Variants in PAX2 observed in about 807,000 individuals in gnomAD.
PAX2 encodes the protein paired box protein Pax-2.
In PAX2, 9 loss-of-function variants were observed where a neutral mutation model predicts 41.7. That is an observed-to-expected ratio of 0.22 (90% CI 0.13 to 0.38). PAX2 has a LOEUF of 0.38. Ranked by LOEUF, PAX2 falls within the 10% of genes least tolerant of loss-of-function variation. The probability of loss-of-function intolerance (pLI) is 1.00; values close to 1 mark genes in which losing one functional copy is unlikely to be tolerated. For missense variants in PAX2, 418 were observed against 531.6 expected (o/e 0.79, Z 2.10); for synonymous variants, 221 against 212.7 (o/e 1.04, Z -0.34).
upstream of PAX2, among the ~76,000 whole-genome samples, chr10:100,741,193 A>G (rs562781793): frequency 3.6e-3 from 543 of 152,294 alleles, 3 homozygotes; most frequent in African/African-American, 0.013. Flanking sequence ...GGGCGGGGCC[A>G]GCTGGGAGTC....
intron 5 of PAX2, among the ~76,000 whole-genome samples, chr10:100,799,452 A>G (rs770112514): frequency 2.6e-5 from 4 of 152,206 alleles, no homozygotes; most frequent in Non-Finnish European, 5.9e-5. Context: ...GATAATGTGT[A>G]TAAAGTACCT....
Position 100,827,044 on chromosome 10 carries a change from C to G in PAX2, c.1057C>G (p.Gln353Glu). ...CTCCGGCAACCCGTACAGCCACCCC[C>G]AGTACACGGCCTACAACGAGGCTTG... Reference protein sequence around the residue: ...EFSGNPYSHPQYTAYNEAWRF... With the variant: ...EFSGNPYSHPEYTAYNEAWRF... Residue 353 changes from glutamine to glutamate, a missense_variant, in exon 9 of 10, where the codon CAG becomes GAG. Transcript: ENST00000355243. This position sits in a 1 kb window ranked among gnomAD's most constrained non-coding sequence, Gnocchi z 8.5. 6.2e-7 allele frequency: 1 copy of G among 1,613,692 alleles called. No individual in the cohort carries two copies. Among genetic ancestry groups the G allele is most frequent in the Non-Finnish European group, 8.5e-7 (1 of 1,179,620 alleles).
rs535440097 is a variant in PAX2, at chr10:100,735,606, C to T, written c.-103C>T. 3.2e-5 allele frequency: 31 copies of T among 963,122 alleles called. No individual in the cohort carries two copies. The East Asian group carries it at 1.3e-3, about 41-fold the overall frequency. The allele number at this position is 963,122 out of a possible 1,614,324, so 59.7% of individuals were successfully genotyped here. ...TGGTGTTGGGTGGCTGCGCCCAGAT[C>T]TCCGGGCGGCGGCGGCGGCGAAGGC... On this transcript the variant is annotated 5_prime_UTR_variant, in exon 1 of 10. Coordinates refer to the PAX2 transcript ENST00000679374.
chr10:100,740,899 C>G (rs972578209), upstream of PAX2, among the ~76,000 whole-genome samples: 1 of 152,240 alleles, frequency 6.6e-6, no homozygotes, highest in African/African-American at 2.4e-5. Flanking sequence ...GACCTTCACT[C>G]TTACTCTCTA....
chr10:100,829,214 CCTGCCCCTCTCTCCCT>C lies in PAX2; in HGVS notation c.*1610_*1625del, dbSNP rs765352654. On this transcript the variant is annotated 3_prime_UTR_variant, in exon 10 of 10. Coordinates refer to ENST00000355243, the MANE Select transcript of PAX2 (RefSeq NM_000278.5). ...AATTCCGTGTTTTCGCTTTTTCCTC[CCTGCCCCTCTCTCCCT>C]CTGCCCCTCTCTCCTCTCCGCTTCT... is the stretch of plus-strand genomic sequence containing the variant. 52 of 232,606 alleles carry C rather than the reference CCTGCCCCTCTCTCCCT, an allele frequency of 2.2e-4. No homozygotes were observed. The highest frequency in any genetic ancestry group is 1.1e-3 in the African/African-American group (49 of 45,326). The allele number at this position is 232,606 out of a possible 1,614,324, so 14.4% of individuals were successfully genotyped here. A position where few individuals can be genotyped will look rare whatever the true frequency, so the allele number is the denominator to read the frequency against.
chr10:100,800,273 C>CTTTTTTTTTTTTTTTTTTTTTTTTTTT (rs59487758), intron 5 of PAX2, among the ~76,000 whole-genome samples: 1 of 108,386 alleles, frequency 9.2e-6, no homozygotes, highest in Non-Finnish European at 1.7e-5. Flanking sequence ...TCTTTTCTTT[C>CTTTTTTTTTTTTTTTTTTTTTTTTTTT]TTTTTTTTTT....
In PAX2 at chr10:100,824,578, G is replaced by A; in HGVS notation, c.920-70G>A. On this transcript the variant is annotated intron_variant, in intron 7 of 9. Coordinates refer to ENST00000355243, the MANE Select transcript of PAX2 (RefSeq NM_000278.5). This position sits in a 1 kb window ranked among gnomAD's most constrained non-coding sequence, Gnocchi z 6.6. ...TCTCCAAGAGTTTCCTCTCCGTGCA[G>A]TACCCTGGTGTGAGTAGAGGCAGGC... 2 of 1,059,394 alleles carry A rather than the reference G, an allele frequency of 1.9e-6. No homozygotes were observed. The highest frequency in any genetic ancestry group is 1.5e-6 in the Non-Finnish European group (1 of 673,758). 65.6% of individuals were successfully genotyped at this position (1,059,394 alleles called of 1,614,324 possible). A position where few individuals can be genotyped will look rare whatever the true frequency, so the allele number is the denominator to read the frequency against.
chr10:100,806,695 A>G, intron 6 of PAX2, 90 bp downstream of exon 6: 3 of 1,075,606 alleles, frequency 2.8e-6, no homozygotes, highest in Non-Finnish European at 4.3e-6. Context: ...CCACATGCAT[A>G]GCCAGCATTG....
chr10:100,827,876 C>T lies in PAX2; in HGVS notation c.*257C>T. ...CAGCCCCGCCTGCCGCCCCTCCCCG[C>T]CTGCCTGGACTGCGCGGCGCCGTGA... On this transcript the variant is annotated 3_prime_UTR_variant, in exon 10 of 10. Coordinates refer to ENST00000355243, the MANE Select transcript of PAX2 (RefSeq NM_000278.5). This position sits in a 1 kb window ranked among gnomAD's most constrained non-coding sequence, Gnocchi z 8.5. 1.8e-6 allele frequency: 1 copy of T among 542,652 alleles called. No individual in the cohort carries two copies. Among genetic ancestry groups the T allele is most frequent in the Non-Finnish European group, 3.2e-6 (1 of 308,530 alleles). 33.6% of individuals were successfully genotyped at this position (542,652 alleles called of 1,614,324 possible). A position where few individuals can be genotyped will look rare whatever the true frequency, so the allele number is the denominator to read the frequency against.
chr10:100,742,687 G>A (rs527879278), upstream of PAX2, among the ~76,000 whole-genome samples: 5 of 152,184 alleles, frequency 3.3e-5, no homozygotes, highest in South Asian at 8.3e-4. Context: ...TAGGTTGGGG[G>A]GTGGAAGGGC....
Position 100,750,224 on chromosome 10 carries a change from G to T in PAX2, c.212+310G>T, listed in dbSNP as rs1845383600. Among the ~76,000 whole-genome samples the T allele has an allele frequency of 1.3e-5, 2 of 149,428 alleles. No individual in the cohort carries two copies. Among genetic ancestry groups the T allele is most frequent in the African/African-American group, 5.2e-5 (2 of 38,816 alleles). ...GAGTTAAGGCAGATACGGGGTGGGAGACATTAGAGGAATGGGGGGGGAGTG... is the reference window on the plus strand; with the variant it reads ...GAGTTAAGGCAGATACGGGGTGGGATACATTAGAGGAATGGGGGGGGAGTG... On this transcript the variant is annotated intron_variant, in intron 2 of 9. Coordinates refer to ENST00000355243, the MANE Select transcript of PAX2 (RefSeq NM_000278.5). The surrounding 1 kb of genome is among the most constrained non-coding windows in gnomAD (Gnocchi z 4.1).
exon 1 of PAX2, among the ~76,000 whole-genome samples, chr10:100,735,397 G>A (rs1439523866): frequency 2.0e-5 from 3 of 152,250 alleles, no homozygotes; most frequent in Non-Finnish European, 4.4e-5. Flanking sequence ...GGGCGCCTCA[G>A]GCAGCGAGGG....
In PAX2 at chr10:100,827,714, G is replaced by T; in HGVS notation, c.*95G>T. ...CCCCGGAGGGAGGGAGGACCGACGC[G>T]ACGCGATGCCTCCCGGCCACCGCCC... On this transcript the variant is annotated 3_prime_UTR_variant, in exon 10 of 10. Coordinates refer to ENST00000355243, the MANE Select transcript of PAX2 (RefSeq NM_000278.5). This position sits in a 1 kb window ranked among gnomAD's most constrained non-coding sequence, Gnocchi z 8.5. 6.2e-7 allele frequency: 1 copy of T among 1,607,144 alleles called. No homozygotes were observed. Among genetic ancestry groups the T allele is most frequent in the South Asian group, 1.1e-5 (1 of 90,702 alleles).
chr10:100,819,306 C>T (rs1433706847), intron 7 of PAX2, among the ~76,000 whole-genome samples: 2 of 148,728 alleles, frequency 1.3e-5, no homozygotes, highest in Non-Finnish European at 3.0e-5. Context: ...CAGTGGCTCA[C>T]GCCTGTAATC....
intron 3 of PAX2, among the ~76,000 whole-genome samples, chr10:100,759,200 C>G (rs1309592899): frequency 6.6e-6 from 1 of 152,074 alleles, no homozygotes; most frequent in Admixed American, 6.5e-5. Flanking sequence ...CTCCAGGCAT[C>G]TGGTAGTACA....
chr10:100,797,883 C>A lies in PAX2; in HGVS notation c.617-8547C>A, dbSNP rs115638802. Among the ~76,000 whole-genome samples the A allele has an allele frequency of 5.9e-3, 897 of 152,214 alleles. 14 individuals are homozygous for A. The highest frequency in any genetic ancestry group is 0.021 in the African/African-American group (855 of 41,508). On this transcript the variant is annotated intron_variant, in intron 5 of 9. Transcript: ENST00000355243. The stretch of plus-strand genomic sequence containing the variant: ...TTAGGGTCACTAGTACAGTTAGTGT[C>A]CCTAGAGGCCGGTGGGTGTGAATGG...
chr10:100,822,181 G>A (rs184131440), intron 7 of PAX2, among the ~76,000 whole-genome samples: 6 of 152,120 alleles, frequency 3.9e-5, no homozygotes, highest in Middle Eastern at 3.4e-3. Context: ...GCTTGTTCTC[G>A]AGTTTTAGGA....
rs1266201256 is a variant in PAX2, at chr10:100,791,236, G to A, written c.616+9871G>A. ...ACAAGTGTGTGGGCATCTCCTGGGG[G>A]CCTTTCCAGGACTGGGGCTGGGGCT... On this transcript the variant is annotated intron_variant, in intron 5 of 9. Transcript: ENST00000355243. This position sits in a 1 kb window ranked among gnomAD's most constrained non-coding sequence, Gnocchi z 4.5. Among the ~76,000 whole-genome samples the A allele has an allele frequency of 2.0e-5, 3 of 152,234 alleles. No individual in the cohort carries two copies. Among genetic ancestry groups the A allele is most frequent in the Admixed American group, 6.5e-5 (1 of 15,288 alleles).
At position 100,748,088 on chromosome 10, in the gene PAX2, G is replaced by T. The variant is rs1193135889; in HGVS notation, c.44-1658G>T. 4 of 984,894 alleles carry T rather than the reference G, an allele frequency of 4.1e-6. No homozygotes were observed. Among genetic ancestry groups the T allele is most frequent in the African/African-American group, 1.7e-5 (1 of 57,144 alleles). The allele number at this position is 984,894 out of a possible 1,614,324, so 61.0% of individuals were successfully genotyped here. A position where few individuals can be genotyped will look rare whatever the true frequency, so the allele number is the denominator to read the frequency against. ...CGCATTCCAGGCCCGACTCAGCGCC[G>T]ACTCGCTGCAGTCCCCCAGCCCTGG... On this transcript the variant is annotated intron_variant, in intron 1 of 9. Coordinates refer to ENST00000355243, the MANE Select transcript of PAX2 (RefSeq NM_000278.5). The surrounding 1 kb of genome is among the most constrained non-coding windows in gnomAD (Gnocchi z 5.0).
Sources: allele counts gnomAD v4.1 joint callset (sites outside exome capture counted in the v4.1 genomes callset), GRCh38; gene constraint gnomAD v4.1.1; non-coding constraint Gnocchi (gnomAD v3.1); transcripts MANE v1.5; gene names NCBI Gene and HGNC (gene_info 2026-07-23, HGNC 2026-07-21).